UPF2: variants seen among roughly 807,000 people sequenced by gnomAD.
UPF2 encodes UPF2 regulator of nonsense mediated mRNA decay.
A neutral mutation model predicts 141.4 loss-of-function variants in UPF2; 17 were observed. That is an observed-to-expected ratio of 0.12 (90% CI 0.08 to 0.18). The LOEUF is 0.18. Ranked by LOEUF, UPF2 falls within the 10% of genes least tolerant of loss-of-function variation. UPF2 has a pLI of 1.00. For missense variants in UPF2, 1,152 were observed against 1,515.9 expected (o/e 0.76, Z 3.99); for synonymous variants, 540 against 498.0 (o/e 1.08, Z -1.12).
chr10:11,985,123 G>C (rs1181210676), intron 8 of UPF2, among the ~76,000 whole-genome samples: 1 of 152,206 alleles, frequency 6.6e-6, no homozygotes, highest in Non-Finnish European at 1.5e-5. Flanking sequence ...TTTAAAATGA[G>C]TTAAGGAAGT....
chr10:11,945,170 C>A (rs1236572025), intron 16 of UPF2, among the ~76,000 whole-genome samples: 1 of 152,188 alleles, frequency 6.6e-6, no homozygotes, highest in Non-Finnish European at 1.5e-5. Context: ...TTAATTTAAA[C>A]AGTTATCTTT....
Position 12,014,336 on chromosome 10 carries a change from T to C in UPF2, c.1146-152A>G, listed in dbSNP as rs1488296149. On this transcript the variant is annotated intron_variant, in intron 3 of 21. Transcript: ENST00000357604. This position sits in a 1 kb window ranked among gnomAD's most constrained non-coding sequence, Gnocchi z 5.0. ...ACATTTGAATCTAGTATTTTCAAAA[T>C]GTATCTGAAATGTATAATGAAATTC... The C allele has an allele frequency of 5.1e-6, 4 of 779,658 alleles. No individual in the cohort carries two copies. The East Asian group carries it at 1.4e-4, about 26-fold the overall frequency. 48.3% of individuals were successfully genotyped at this position (779,658 alleles called of 1,614,324 possible). A position where few individuals can be genotyped will look rare whatever the true frequency, so the allele number is the denominator to read the frequency against.
chr10:11,943,331 C>T (rs1385149803), intron 16 of UPF2, among the ~76,000 whole-genome samples, 163 bp from the exon 17 acceptor site: 1 of 152,174 alleles, frequency 6.6e-6, no homozygotes, highest in African/African-American at 2.4e-5. Context: ...CAGCTAGCAA[C>T]GTTTAAGACA....
intron 16 of UPF2, 138 bp from the exon 17 acceptor site, chr10:11,943,306 A>G (rs1832959695): frequency 8.3e-6 from 6 of 724,632 alleles, no homozygotes; most frequent in South Asian, 1.9e-5. Context: ...TTGGTTTCCA[A>G]TGGGAGGGCA....
At position 11,935,947 on chromosome 10, in the gene UPF2, C is replaced by T. The variant is rs989830636; in HGVS notation, c.3546+598G>A. Among the ~76,000 whole-genome samples, 6 of 152,152 alleles carry T rather than the reference C, an allele frequency of 3.9e-5. No individual in the cohort carries two copies. Among genetic ancestry groups the T allele is most frequent in the East Asian group, 1.9e-4 (1 of 5,204 alleles). Reference sequence around the variant, plus strand: ...AAGGGTTGGTGTGATTTTCAACTGACGGCAGCCGAGCCTCTTCCTGAGCTG... The same window carrying T: ...AAGGGTTGGTGTGATTTTCAACTGATGGCAGCCGAGCCTCTTCCTGAGCTG... On this transcript the variant is annotated intron_variant, in intron 19 of 21. Coordinates refer to ENST00000357604, the MANE Select transcript of UPF2 (RefSeq NM_015542.4). The surrounding 1 kb of genome is among the most constrained non-coding windows in gnomAD (Gnocchi z 4.9).
At chr10:12,025,080 C>T (rs1001507293) in intron 3 of UPF2, among the ~76,000 whole-genome samples, 3 of 152,062 alleles carry the variant, frequency 2.0e-5, no homozygotes, top group African/African-American at 4.8e-5. Context: ...TAATCCATTC[C>T]TCATGTCTTT....
intron 3 of UPF2, among the ~76,000 whole-genome samples, chr10:12,023,626 G>A (rs1003564206): frequency 2.0e-5 from 3 of 151,880 alleles, no homozygotes; most frequent in African/African-American, 7.3e-5. Flanking sequence ...GGAGGTGGAG[G>A]TTGTGATAAG....
At position 12,035,452 on chromosome 10, in the gene UPF2, G is replaced by A; in HGVS notation, c.-18-11C>T. 1.3e-6 allele frequency: 2 copies of A among 1,510,696 alleles called. No individual in the cohort carries two copies. Among genetic ancestry groups the A allele is most frequent in the South Asian group, 2.7e-5 (2 of 72,788 alleles). The allele number at this position is 1,510,696 out of a possible 1,614,324, so 93.6% of individuals were successfully genotyped here. A position where few individuals can be genotyped will look rare whatever the true frequency, so the allele number is the denominator to read the frequency against. On this transcript the variant is annotated splice_polypyrimidine_tract_variant and intron_variant, in intron 1 of 21. Coordinates refer to ENST00000357604, the MANE Select transcript of UPF2 (RefSeq NM_015542.4). ...GTGACCCAGGACAATCTGTAAGAGG[G>A]AAAGAATGTCAGTACCATAGATGCA...
intron 11 of UPF2, among the ~76,000 whole-genome samples, chr10:11,962,900 A>G (rs1462227924): frequency 6.6e-6 from 1 of 152,148 alleles, no homozygotes; most frequent in Non-Finnish European, 1.5e-5. Flanking sequence ...CCCTTTCCTG[A>G]TATAGTAAAT....
intron 13 of UPF2, 111 bp from the exon 14 acceptor site, chr10:11,955,618 T>C (rs2131188893): frequency 9.3e-7 from 1 of 1,079,132 alleles, no homozygotes; most frequent in Non-Finnish European, 1.3e-6. Flanking sequence ...GAACACTGAA[T>C]AGAGAAATGA....
chr10:12,006,912 C>T (rs1477511204), intron 4 of UPF2, among the ~76,000 whole-genome samples: 2 of 152,086 alleles, frequency 1.3e-5, no homozygotes, highest in African/African-American at 2.4e-5. Context: ...CCAGAAAGAC[C>T]GAGTGATTAC....
intron 10 of UPF2, among the ~76,000 whole-genome samples, chr10:11,964,472 C>G (rs1367565836): frequency 6.6e-6 from 1 of 152,164 alleles, no homozygotes; most frequent in Non-Finnish European, 1.5e-5. Flanking sequence ...ATTCTCACTA[C>G]AAAAGTATTA....
intron 8 of UPF2, among the ~76,000 whole-genome samples, chr10:11,982,368 C>T (rs575803244): frequency 1.3e-5 from 2 of 152,274 alleles, no homozygotes; most frequent in African/African-American, 4.8e-5. Flanking sequence ...AACAGCATCT[C>T]CATGACCTCA....
At chr10:11,969,034 G>T (rs1010972234) in intron 9 of UPF2, among the ~76,000 whole-genome samples, 2 of 151,892 alleles carry the variant, frequency 1.3e-5, no homozygotes, top group African/African-American at 4.8e-5. Flanking sequence ...CTAAATTTTT[G>T]TATTTTTAGT....
chr10:12,038,402 A>T (rs1166703547), intron 1 of UPF2, among the ~76,000 whole-genome samples: 5 of 151,108 alleles, frequency 3.3e-5, no homozygotes, highest in Non-Finnish European at 7.4e-5. Flanking sequence ...ACACACACAC[A>T]CACACACACA....
At chr10:11,999,271 C>T (rs527435419) in intron 7 of UPF2, among the ~76,000 whole-genome samples, 1 of 151,862 alleles carries the variant, frequency 6.6e-6, no homozygotes, top group Admixed American at 6.6e-5. Context: ...CCGAGCACTT[C>T]GGGAGGCCAA....
intron 5 of UPF2, among the ~76,000 whole-genome samples, chr10:12,002,796 G>A (rs923932524): frequency 2.6e-5 from 4 of 152,176 alleles, no homozygotes; most frequent in Non-Finnish European, 2.9e-5. Context: ...TTGAGTGATA[G>A]GTAAATCCAA....
chr10:11,937,427 A>G (rs573056097), intron 18 of UPF2, among the ~76,000 whole-genome samples: 2 of 152,334 alleles, frequency 1.3e-5, no homozygotes, highest in African/African-American at 2.4e-5. Context: ...TGAAGTGACT[A>G]CCTGTACCTG....
At chr10:11,944,010 CA>C (rs59692209) in intron 16 of UPF2, among the ~76,000 whole-genome samples, 55,050 of 143,036 alleles carry the variant, frequency 0.38, 10,671 homozygotes, top group East Asian at 0.71. Context: ...AAAAAACAAA[CA>C]AAAAAAAAAA....
Sources: allele counts gnomAD v4.1 joint callset (sites outside exome capture counted in the v4.1 genomes callset), GRCh38; gene constraint gnomAD v4.1.1; non-coding constraint Gnocchi (gnomAD v3.1); transcripts MANE v1.5; gene names NCBI Gene and HGNC (gene_info 2026-07-23, HGNC 2026-07-21).